RASEF: variants seen among roughly 807,000 people sequenced by gnomAD.
RASEF encodes RAS and EF-hand domain containing, also known as ras and EF-hand domain-containing protein.
Under a neutral mutation model 90.1 loss-of-function variants are expected in RASEF, and 68 were observed. That is an observed-to-expected ratio of 0.75 (90% CI 0.62 to 0.92). The LOEUF (loss-of-function observed/expected upper bound fraction) is 0.92. RASEF is among the 40% of genes least tolerant of loss of function. The pLI is 0.00. For synonymous variants in RASEF, 331 were observed against 345.2 expected (o/e 0.96, Z 0.46); for missense variants, 949 against 937.2 (o/e 1.01, Z -0.16).
At chr9:83,001,603 C>G (rs552990246) in intron 9 of RASEF, among the ~76,000 whole-genome samples, 2 of 152,288 alleles carry the variant, frequency 1.3e-5, no homozygotes, top group East Asian at 3.9e-4. Context: ...TCAAGACCCT[C>G]AGAGCTGAAA....
chr9:83,044,297 A>G (rs955286174), intron 1 of RASEF, among the ~76,000 whole-genome samples: 1 of 152,188 alleles, frequency 6.6e-6, no homozygotes, highest in Non-Finnish European at 1.5e-5. Flanking sequence ...CAGCAAAGCA[A>G]AATGTTTGTG....
intron 14 of RASEF, among the ~76,000 whole-genome samples, chr9:82,994,556 C>G (rs1360807854): frequency 6.6e-6 from 1 of 152,164 alleles, no homozygotes; most frequent in Non-Finnish European, 1.5e-5. Flanking sequence ...CTGTCTCCCC[C>G]ACTGGAACAC....
the RASEF span, among the ~76,000 whole-genome samples, chr9:83,103,390 A>G: frequency 1.3e-5 from 2 of 152,244 alleles, no homozygotes; most frequent in Non-Finnish European, 2.9e-5. Flanking sequence ...TTAACAGTGT[A>G]AAACAGATTG....
chr9:83,014,916 T>C (rs1018198804), intron 4 of RASEF, among the ~76,000 whole-genome samples: 1 of 152,134 alleles, frequency 6.6e-6, no homozygotes, highest in African/African-American at 2.4e-5. Context: ...TGCCAGAGTA[T>C]TACTGAGTAA....
In RASEF at chr9:83,000,212, T is replaced by G. The variant is rs147383713; in HGVS notation, c.1680A>C (p.Arg560Ser). The change falls in exon 12 of 17, where the codon AGA (arginine) becomes AGC (serine). Residue 560 changes from arginine to serine, a missense_variant. This residue lies in a region of RASEF where 288 missense variants were observed against 328.4 expected (regional missense o/e 0.88). Coordinates refer to ENST00000376447, the MANE Select transcript of RASEF (RefSeq NM_152573.4). ...TTTCTCGAAATTCATTCTTGCAAAG[T>G]CTCATGAGGAAACTAGACTTCCCCA... ...AAVGKSSFLM[R>S]LCKNEFRENI... 3.1e-6 allele frequency: 5 copies of G among 1,613,946 alleles called. No individual in the cohort carries two copies. The highest frequency in any genetic ancestry group is 1.3e-5 in the African/African-American group (1 of 74,902).
chr9:83,082,539 G>A, the RASEF span, among the ~76,000 whole-genome samples: 1 of 152,102 alleles, frequency 6.6e-6, no homozygotes, highest in Admixed American at 6.6e-5. Flanking sequence ...ACATTTGTAG[G>A]AGACTGATCA....
chr9:83,182,222 G>A, the RASEF span, among the ~76,000 whole-genome samples: 3 of 152,106 alleles, frequency 2.0e-5, no homozygotes, highest in South Asian at 2.1e-4. Context: ...CTGCTGCATC[G>A]GGTCTGAGAC....
At chr9:82,985,390 G>A (rs1440328787) in intron 16 of RASEF, among the ~76,000 whole-genome samples, 1 of 152,046 alleles carries the variant, frequency 6.6e-6, no homozygotes, top group East Asian at 1.9e-4. Context: ...AGGAAAGATC[G>A]GCCCCCATGA....
chr9:83,165,021 T>A, the RASEF span, among the ~76,000 whole-genome samples: 2 of 151,752 alleles, frequency 1.3e-5, no homozygotes, highest in Non-Finnish European at 2.9e-5. Flanking sequence ...CTGACAGAAC[T>A]ACGAGGAAAA....
At chr9:83,122,741 G>T in the RASEF span, among the ~76,000 whole-genome samples, 2 of 152,174 alleles carry the variant, frequency 1.3e-5, no homozygotes, top group African/African-American at 4.8e-5. Flanking sequence ...TTTCTTAAAC[G>T]TTATTTTAAA....
chr9:83,044,216 GGAAGGAAGGAGTGA>G (rs1380427293), intron 1 of RASEF, among the ~76,000 whole-genome samples: 1 of 152,198 alleles, frequency 6.6e-6, no homozygotes, highest in Non-Finnish European at 1.5e-5. Context: ...CAGAAAGGAG[GGAAGGAAGGAGTGA>G]GAAGGAAGGA....
the RASEF span, among the ~76,000 whole-genome samples, chr9:83,115,089 T>C: frequency 2.4e-4 from 37 of 152,164 alleles, no homozygotes; most frequent in Non-Finnish European, 4.7e-4. Context: ...CTCTGTCCTT[T>C]TATTTCTCAA....
chr9:83,076,167 A>G, the RASEF span, among the ~76,000 whole-genome samples: 9 of 91,520 alleles, frequency 9.8e-5, no homozygotes, highest in African/African-American at 4.7e-4. Context: ...ACTGTCTCAG[A>G]AAAAAAAAAA....
At chr9:83,140,173 C>T in the RASEF span, among the ~76,000 whole-genome samples, 2 of 152,148 alleles carry the variant, frequency 1.3e-5, no homozygotes, top group Non-Finnish European at 2.9e-5. Context: ...CCAGGAATTC[C>T]TCAGTGCTTC....
the RASEF span, among the ~76,000 whole-genome samples, chr9:83,144,392 G>A: frequency 0.076 from 253 of 3,326 alleles, 8 homozygotes; most frequent in Middle Eastern, 0.5. Flanking sequence ...AGAAAGAAAG[G>A]AAAGAAAGAA....
chr9:83,147,482 A>C, the RASEF span, among the ~76,000 whole-genome samples: 2 of 152,178 alleles, frequency 1.3e-5, no homozygotes, highest in Non-Finnish European at 2.9e-5. Context: ...GGTGTGGTGC[A>C]TATGTTCAGC....
At chr9:83,055,488 C>A (rs1830086398) in intron 1 of RASEF, 9 of 681,016 alleles carry the variant, frequency 1.3e-5, no homozygotes, top group Non-Finnish European at 2.2e-5. Context: ...GATGGAAATG[C>A]AGAAATCACC....
At chr9:82,996,893 A>G in intron 14 of RASEF, 119 bp downstream of exon 14, 1 of 641,680 alleles carries the variant, frequency 1.6e-6, no homozygotes. Flanking sequence ...ATTCTTCCTG[A>G]TGGCTTGGAT....
At position 83,062,662 on chromosome 9, in the gene RASEF, C is replaced by CG; in HGVS notation, c.205dup (p.Arg69ProfsTer26). 1 of 1,570,324 alleles carries CG rather than the reference C, an allele frequency of 6.4e-7. No homozygotes were observed. The highest frequency in any genetic ancestry group is 8.6e-7 in the Non-Finnish European group (1 of 1,166,056). On this transcript the variant is annotated frameshift_variant, in exon 1 of 17. Coordinates refer to ENST00000376447, the MANE Select transcript of RASEF (RefSeq NM_152573.4). LOFTEE classifies it high-confidence loss of function. ...CCCGCGGAGGGACCCGAGGAAGCCA[C>CG]GCGCGAACTCCTGGAAGGTGATGGC...
Sources: gnomAD v4.1 joint callset for allele counts (sites outside exome capture counted in the v4.1 genomes callset) on GRCh38, gnomAD v4.1.1 for gene constraint, gnomAD v4.1.1 regional missense constraint, MANE v1.5 for transcripts, NCBI Gene and HGNC (gene_info 2026-07-23, HGNC 2026-07-21) for gene names.